The following GALNT10 variants were observed in gnomAD, a reference collection of about 807,000 sequenced individuals.
The protein encoded by GALNT10 is polypeptide N-acetylgalactosaminyltransferase 10.
A neutral mutation model predicts 75.0 loss-of-function variants in GALNT10; 41 were observed. The ratio of observed to expected loss-of-function variants is 0.55; its 90% CI spans 0.43 to 0.71. GALNT10 has a LOEUF of 0.71. GALNT10 is among the 30% of genes least tolerant of loss of function. The pLI, the probability that GALNT10 is intolerant of heterozygous loss-of-function variation, is 0.00. For synonymous variants in GALNT10, 302 were observed against 313.0 expected (o/e 0.96, Z 0.37); for missense variants, 727 against 818.5 (o/e 0.89, Z 1.36).
rs578254419 is a variant in GALNT10, at chr5:154,240,073, T to G, written c.159+49048T>G. ...TTTGAGTTACCTTGATTGCTTCCCT[T>G]GTAGTGTTGCCCATGTGTGTATGAG... On this transcript the variant is annotated intron_variant, in intron 1 of 11. Transcript: ENST00000297107. Among the ~76,000 whole-genome samples the G allele has an allele frequency of 1.7e-3, 263 of 152,366 alleles. 1 individual carries two copies. Among genetic ancestry groups the G allele is most frequent in the African/African-American group, 4.2e-3 (175 of 41,588 alleles).
chr5:154,204,449 G>A (rs1001794445), intron 1 of GALNT10, among the ~76,000 whole-genome samples: 3 of 152,156 alleles, frequency 2.0e-5, no homozygotes, highest in Non-Finnish European at 2.9e-5. Context: ...TAAATCAGAG[G>A]TTTCTGCCTC....
chr5:154,273,197 G>A (rs1753896754), intron 1 of GALNT10, among the ~76,000 whole-genome samples: 1 of 152,172 alleles, frequency 6.6e-6, no homozygotes, highest in Non-Finnish European at 1.5e-5. Flanking sequence ...CCCCTTGCAG[G>A]AATTTGGTTC....
At chr5:154,281,630 C>T (rs895682607) in intron 1 of GALNT10, among the ~76,000 whole-genome samples, 7 of 152,190 alleles carry the variant, frequency 4.6e-5, no homozygotes, top group African/African-American at 1.7e-4. Flanking sequence ...AAGGACCTCT[C>T]CACACCCTAA....
At chr5:154,283,610 G>C (rs1754074099) in intron 1 of GALNT10, among the ~76,000 whole-genome samples, 1 of 152,218 alleles carries the variant, frequency 6.6e-6, no homozygotes, top group African/African-American at 2.4e-5. Context: ...AGAGTTCTCA[G>C]TTTCCAAGAT....
intron 4 of GALNT10, among the ~76,000 whole-genome samples, chr5:154,334,212 CA>C (rs1250930033): frequency 1.3e-5 from 2 of 152,230 alleles, no homozygotes; most frequent in Non-Finnish European, 2.9e-5. Flanking sequence ...AGGTAGGAGA[CA>C]AAATTGGAGC....
chr5:154,216,893 A>T (rs6580060), intron 1 of GALNT10, among the ~76,000 whole-genome samples: 73,712 of 151,868 alleles, frequency 0.49, 19,918 homozygotes, highest in African/African-American at 0.74. Flanking sequence ...GGCAGCTTTT[A>T]CTTTTGTAGA....
intron 1 of GALNT10, among the ~76,000 whole-genome samples, chr5:154,258,908 T>A (rs9324769): frequency 0.025 from 3,836 of 151,456 alleles, 146 homozygotes; most frequent in African/African-American, 0.088. Context: ...GAAACTTTTT[T>A]AAAAAAAAAC....
At chr5:154,335,190 C>A (rs1754925139) in intron 4 of GALNT10, among the ~76,000 whole-genome samples, 1 of 152,132 alleles carries the variant, frequency 6.6e-6, no homozygotes, top group Non-Finnish European at 1.5e-5. Context: ...TACATCTGTT[C>A]TGATTTATCA....
intron 1 of GALNT10, among the ~76,000 whole-genome samples, chr5:154,221,512 A>T (rs1196915027): frequency 6.6e-6 from 1 of 152,158 alleles, no homozygotes; most frequent in Non-Finnish European, 1.5e-5. Flanking sequence ...TTCCCCAAGG[A>T]TCTGTGTCTT....
intron 4 of GALNT10, among the ~76,000 whole-genome samples, chr5:154,344,505 T>C (rs528827940): frequency 1.8e-4 from 27 of 152,280 alleles, no homozygotes; most frequent in Non-Finnish European, 2.8e-4. Context: ...CCACTGCGCC[T>C]GGCCAATACA....
intron 1 of GALNT10, among the ~76,000 whole-genome samples, chr5:154,289,184 A>T (rs1241907418): frequency 6.6e-6 from 1 of 152,192 alleles, no homozygotes; most frequent in Non-Finnish European, 1.5e-5. Context: ...GCTCACCTTT[A>T]CTAGGAGAGG....
At chr5:154,284,683 A>G (rs1754087529) in intron 1 of GALNT10, among the ~76,000 whole-genome samples, 1 of 152,184 alleles carries the variant, frequency 6.6e-6, no homozygotes, top group Non-Finnish European at 1.5e-5. Flanking sequence ...CCTCTTGTGA[A>G]TTGCCCTCTT....
chr5:154,323,171 T>TTA (rs1282911295), intron 3 of GALNT10, among the ~76,000 whole-genome samples: 5 of 152,308 alleles, frequency 3.3e-5, no homozygotes, highest in African/African-American at 1.2e-4. Flanking sequence ...GGTCTCTATT[T>TTA]AATAGTCTAC....
intron 7 of GALNT10, among the ~76,000 whole-genome samples, chr5:154,393,423 G>T (rs1350026037): frequency 6.6e-6 from 1 of 152,120 alleles, no homozygotes; most frequent in African/African-American, 2.4e-5. Context: ...CATCCCTAGT[G>T]GCCTTTGGGG....
At chr5:154,268,322 T>C (rs1295544247) in intron 1 of GALNT10, among the ~76,000 whole-genome samples, 1 of 152,178 alleles carries the variant, frequency 6.6e-6, no homozygotes, top group African/African-American at 2.4e-5. Context: ...CTCATGGAGC[T>C]TCAGACTCCT....
rs1436267443 is a variant in GALNT10 at position 154,288,194 on chromosome 5, G to C, written c.160-6622G>C. On this transcript the variant is annotated intron_variant, in intron 1 of 11. Coordinates refer to ENST00000297107, the MANE Select transcript of GALNT10 (RefSeq NM_198321.4). ...AGCTTTCCTTCCAACATTGCTGTTTGAGCGCATACAGCCCTTTCCTTGTTT... is the reference window on the plus strand; with the variant it reads ...AGCTTTCCTTCCAACATTGCTGTTTCAGCGCATACAGCCCTTTCCTTGTTT... 3.9e-5 allele frequency among the ~76,000 whole-genome samples: 6 copies of C among 152,152 alleles called. No homozygotes were observed. The East Asian group carries it at 1.2e-3, about 29-fold the overall frequency.
At position 154,417,995 on chromosome 5, in the gene GALNT10, C is replaced by A. The variant is rs1449870919; in HGVS notation, c.*1023C>A. On this transcript the variant is annotated 3_prime_UTR_variant, in exon 12 of 12. Transcript: ENST00000297107. Reference sequence around the variant, plus strand: ...CCTCATCATGGTTCTAGTTCTCATACAGAACTCCAGAATTTTTAAAGAACT... The same window carrying A: ...CCTCATCATGGTTCTAGTTCTCATAAAGAACTCCAGAATTTTTAAAGAACT... 3 of 152,196 alleles carry A rather than the reference C, an allele frequency of 2.0e-5. No individual in the cohort carries two copies. Among genetic ancestry groups the A allele is most frequent in the African/African-American group, 7.2e-5 (3 of 41,436 alleles). The allele number at this position is 152,196 out of a possible 1,614,324, so 9.4% of individuals were successfully genotyped here.
intron 1 of GALNT10, among the ~76,000 whole-genome samples, chr5:154,208,195 G>A (rs1442054910): frequency 6.6e-6 from 1 of 152,180 alleles, no homozygotes; most frequent in Non-Finnish European, 1.5e-5. Context: ...CTAAGCACTT[G>A]ACATTCTAAG....
chr5:154,246,858 G>A (rs1191977312), intron 1 of GALNT10, among the ~76,000 whole-genome samples: 4 of 152,114 alleles, frequency 2.6e-5, no homozygotes, highest in African/African-American at 9.7e-5. Flanking sequence ...CATTGCTTTT[G>A]GTGTTTTAGA....
Sources: allele counts gnomAD v4.1 joint callset (sites outside exome capture counted in the v4.1 genomes callset), GRCh38; gene constraint gnomAD v4.1.1; transcripts MANE v1.5; gene names NCBI Gene and HGNC (gene_info 2026-07-23, HGNC 2026-07-21).